Variants in MYZAP observed in about 807,000 individuals in gnomAD.
The protein encoded by MYZAP is myocardial zonula adherens protein, also known as GRINL1A complex locus upstream.
Under a neutral mutation model 69.4 loss-of-function variants are expected in MYZAP, and 66 were observed. The ratio of observed to expected loss-of-function variants is 0.95; its 90% CI spans 0.78 to 1.17. MYZAP has a LOEUF of 1.17. Among genes scored for constraint, MYZAP ranks in the 50% most tolerant of loss-of-function variants. The pLI, the probability that MYZAP is intolerant of heterozygous loss-of-function variation, is 0.00. For missense variants in MYZAP, 611 were observed against 556.2 expected (o/e 1.10, Z -0.99); for synonymous variants, 256 against 205.9 (o/e 1.24, Z -2.09).
intron 10 of MYZAP, among the ~76,000 whole-genome samples, chr15:57,654,804 A>G (rs1305067780): frequency 6.6e-6 from 1 of 152,118 alleles, no homozygotes; most frequent in African/African-American, 2.4e-5. Context: ...CCATAACAGA[A>G]CCATACTACA....
chr15:57,621,792 C>A, intron 4 of MYZAP, 92 bp downstream of exon 4: 1 of 1,101,504 alleles, frequency 9.1e-7, no homozygotes. Flanking sequence ...ATTAGAGTAT[C>A]TAGTGTTCTT....
At chr15:57,602,704 C>T (rs1384705063) in intron 1 of MYZAP, among the ~76,000 whole-genome samples, 1 of 152,164 alleles carries the variant, frequency 6.6e-6, no homozygotes, top group Non-Finnish European at 1.5e-5. Flanking sequence ...GAAAGTAAGC[C>T]CCGGAGACTG....
rs578111836 is a variant in MYZAP at position 57,615,777 on chromosome 15, G to A, written c.163-2256G>A. On this transcript the variant is annotated intron_variant, in intron 2 of 12. Transcript: ENST00000267853. ...TACCCAAACTTAAGCACAAATGTAA[G>A]GATAGCATCAGTGCCTTTGGGGCCC... Among the ~76,000 whole-genome samples the A allele has an allele frequency of 3.9e-5, 6 of 152,274 alleles. No individual in the cohort carries two copies. In the East Asian group the frequency reaches 7.7e-4, roughly 20 times the overall value.
At chr15:57,659,874 C>T (rs2038194009) in intron 10 of MYZAP, among the ~76,000 whole-genome samples, 1 of 152,070 alleles carries the variant, frequency 6.6e-6, no homozygotes. Context: ...GTTATCCTGT[C>T]TCCTTCACCT....
intron 4 of MYZAP, among the ~76,000 whole-genome samples, chr15:57,624,884 C>T (rs188250717): frequency 2.6e-5 from 4 of 152,090 alleles, no homozygotes; most frequent in African/African-American, 7.2e-5. Context: ...TCTGCTGTGC[C>T]GGGGCTGCTT....
chr15:57,621,513 G>C (rs1436400005), intron 3 of MYZAP, 95 bp from the exon 4 acceptor site: 4 of 1,432,278 alleles, frequency 2.8e-6, no homozygotes, highest in Non-Finnish European at 3.8e-6. Context: ...CACCTGGCCG[G>C]GGTCCTTCTT....
intron 12 of MYZAP, among the ~76,000 whole-genome samples, chr15:57,681,856 T>A (rs1444666581): frequency 2.0e-5 from 3 of 151,742 alleles, no homozygotes; most frequent in African/African-American, 7.3e-5. Context: ...GGGGATTGGG[T>A]GGAGAATATG....
chr15:57,628,678 C>T (rs1313202483), intron 5 of MYZAP, among the ~76,000 whole-genome samples: 1 of 152,202 alleles, frequency 6.6e-6, no homozygotes, highest in African/African-American at 2.4e-5. Flanking sequence ...TTATTACTAC[C>T]CTTCTCTGCC....
chr15:57,679,582 C>T (rs1052768524), intron 12 of MYZAP, among the ~76,000 whole-genome samples: 14 of 152,132 alleles, frequency 9.2e-5, no homozygotes, highest in Admixed American at 2.0e-4. Context: ...ATTCCTCAGC[C>T]TATTTCCTAC....
chr15:57,647,594 A>C, intron 10 of MYZAP: 1 of 985,396 alleles, frequency 1.0e-6, no homozygotes, highest in Non-Finnish European at 1.2e-6. Context: ...TTCTGCTTTT[A>C]GAGTTTCTTT....
chr15:57,604,643 G>A (rs1296077609), intron 2 of MYZAP, among the ~76,000 whole-genome samples: 3 of 152,190 alleles, frequency 2.0e-5, no homozygotes, highest in South Asian at 2.1e-4. Flanking sequence ...GTGCTGTGGC[G>A]GGGAACGTGG....
chr15:57,669,976 T>C (rs1366899956), intron 11 of MYZAP, among the ~76,000 whole-genome samples: 2 of 152,172 alleles, frequency 1.3e-5, no homozygotes, highest in African/African-American at 4.8e-5. Context: ...TTTAATACTT[T>C]TATAGTCAGA....
At chr15:57,625,325 C>T (rs147335753) in intron 4 of MYZAP, among the ~76,000 whole-genome samples, 2,612 of 152,248 alleles carry the variant, frequency 0.017, 46 homozygotes, top group East Asian at 0.058. Flanking sequence ...CCGACCGCCT[C>T]GGCCTCCCAC....
intron 5 of MYZAP, 71 bp downstream of exon 5, chr15:57,625,963 A>T: frequency 7.4e-7 from 1 of 1,349,582 alleles, no homozygotes; most frequent in East Asian, 2.3e-5. Flanking sequence ...CCTTTGCAGA[A>T]AAATAAGTCA....
chr15:57,682,414 G>A (rs1352283388), intron 12 of MYZAP, among the ~76,000 whole-genome samples: 1 of 151,994 alleles, frequency 6.6e-6, no homozygotes, highest in Non-Finnish European at 1.5e-5. Flanking sequence ...ACCTAATCCT[G>A]TTAACTATAA....
At chr15:57,659,640 T>G (rs1389750585) in intron 10 of MYZAP, among the ~76,000 whole-genome samples, 4 of 152,200 alleles carry the variant, frequency 2.6e-5, no homozygotes, top group Non-Finnish European at 5.9e-5. Flanking sequence ...AATAATCCAC[T>G]AAGAATATTG....
chr15:57,594,182 C>T (rs186589710), intron 1 of MYZAP, among the ~76,000 whole-genome samples: 1 of 152,340 alleles, frequency 6.6e-6, no homozygotes, highest in African/African-American at 2.4e-5. Context: ...ATGGCACGAT[C>T]TCGGCTCACT....
intron 1 of MYZAP, chr15:57,599,352 A>ACT: frequency 2.0e-6 from 1 of 499,208 alleles, no homozygotes; most frequent in South Asian, 7.4e-5. Context: ...GGAGGCCAGC[A>ACT]TTTTTTTTTT....
chr15:57,609,431 T>C (rs2140351828), intron 2 of MYZAP, among the ~76,000 whole-genome samples: 1 of 152,360 alleles, frequency 6.6e-6, no homozygotes, highest in Admixed American at 6.5e-5. Context: ...TGGTAATCCT[T>C]GCCTTGTGGC....
Sources: allele counts gnomAD v4.1 joint callset (sites outside exome capture counted in the v4.1 genomes callset), GRCh38; gene constraint gnomAD v4.1.1; transcripts MANE v1.5; gene names NCBI Gene and HGNC (gene_info 2026-07-23, HGNC 2026-07-21).